Variants in GRM7 observed in about 807,000 individuals in gnomAD.
GRM7 encodes the protein glutamate metabotropic receptor 7, also known as metabotropic glutamate receptor 7.
GRM7 carries 35 observed loss-of-function variants against 84.5 expected under a neutral mutation model. That is an observed-to-expected ratio of 0.41 (90% confidence interval 0.32 to 0.55). The LOEUF (loss-of-function observed/expected upper bound fraction) is 0.55, where lower values mean the gene tolerates loss of function less well. Ranked by LOEUF, GRM7 falls within the 20% of genes least tolerant of loss-of-function variation. The pLI is 0.19. For synonymous variants in GRM7, 487 were observed against 455.1 expected, an observed-to-expected ratio of 1.07 and a Z score of -0.89; for missense variants, 1,003 against 1,194.6, an observed-to-expected ratio of 0.84 and a Z score of 2.36.
intron 2 of GRM7, among the ~76,000 whole-genome samples, chr3:7,296,850 T>C (rs1323214759): frequency 6.6e-6 from 1 of 151,948 alleles, no homozygotes; most frequent in Non-Finnish European, 1.5e-5. Context: ...GATCTTGCTA[T>C]GTTGCCCCGA....
At chr3:7,479,916 G>A (rs1337584572) in intron 7 of GRM7, among the ~76,000 whole-genome samples, 1 of 152,180 alleles carries the variant, frequency 6.6e-6, no homozygotes, top group African/African-American at 2.4e-5. Context: ...TCTAACTCTT[G>A]TTTTTACCTT....
intron 1 of GRM7, among the ~76,000 whole-genome samples, chr3:7,059,409 C>T (rs963045279): frequency 6.6e-6 from 1 of 151,576 alleles, no homozygotes; most frequent in African/African-American, 2.4e-5. Context: ...CTAGAAAGGT[C>T]TTTATAAAAG....
At chr3:6,981,697 C>G (rs990230682) in intron 1 of GRM7, among the ~76,000 whole-genome samples, 1 of 152,050 alleles carries the variant, frequency 6.6e-6, no homozygotes, top group African/African-American at 2.4e-5. Flanking sequence ...TCACTATTTG[C>G]TCAACATTAT....
At chr3:7,128,898 C>T (rs887708360) in intron 1 of GRM7, among the ~76,000 whole-genome samples, 4 of 151,996 alleles carry the variant, frequency 2.6e-5, no homozygotes, top group African/African-American at 9.7e-5. Context: ...AGCACAGGAA[C>T]CTCAATAAAC....
At chr3:7,716,814 T>C (rs907758741) in intron 9 of GRM7, among the ~76,000 whole-genome samples, 1 of 152,204 alleles carries the variant, frequency 6.6e-6, no homozygotes, top group East Asian at 1.9e-4. Flanking sequence ...ACATTTTGAT[T>C]AAGTAGTGAG....
At position 6,861,749 on chromosome 3, in the gene GRM7, A is replaced by G. The variant is rs756579639; in HGVS notation, c.361A>G (p.Thr121Ala). 2.5e-6 allele frequency: 4 copies of G among 1,614,166 alleles called. No individual in the cohort carries two copies. In the South Asian group the frequency reaches 3.3e-5, roughly 13 times the overall value. Residue 121 changes from threonine (T) to alanine (A), a missense_variant, in exon 1 of 10, where the codon ACT (threonine) becomes GCT (alanine). Coordinates refer to ENST00000357716, the MANE Select transcript of GRM7 (RefSeq NM_000844.4). The surrounding 1 kb of genome is among the most constrained non-coding windows in gnomAD (Gnocchi z 6.4). ...RDTYALEQSL[T>A]FVQALIQKDT... ...CACTTACGCGCTCGAACAGTCGCTT[A>G]CTTTCGTCCAGGCGCTCATCCAGAA... is the stretch of plus-strand genomic sequence containing the variant.
intron 4 of GRM7, among the ~76,000 whole-genome samples, chr3:7,384,924 C>A (rs1315866602): frequency 3.9e-5 from 6 of 152,318 alleles, no homozygotes; most frequent in African/African-American, 1.4e-4. Flanking sequence ...GATCAAATAT[C>A]TTACAAATAC....
chr3:7,703,830 T>A (rs1701305562), intron 9 of GRM7, among the ~76,000 whole-genome samples: 1 of 152,210 alleles, frequency 6.6e-6, no homozygotes, highest in Admixed American at 6.5e-5. Context: ...TTCATAAAGC[T>A]TGCACCAAGT....
At chr3:6,930,788 C>T (rs1032984238) in intron 1 of GRM7, among the ~76,000 whole-genome samples, 4 of 152,210 alleles carry the variant, frequency 2.6e-5, no homozygotes, top group East Asian at 3.8e-4. Context: ...GCAATAGGCA[C>T]TTGCAGATAG....
In GRM7 at chr3:6,984,995, G is replaced by A. The variant is rs573873370; in HGVS notation, c.519+123088G>A. On this transcript the variant is annotated intron_variant, in intron 1 of 9. Coordinates refer to ENST00000357716, the MANE Select transcript of GRM7 (RefSeq NM_000844.4). ...TTTCTTCAGCGTCAGACAGAGCACCGAGGCTGAGATTACCTCTATAAACAA... is the reference window on the plus strand; with the variant it reads ...TTTCTTCAGCGTCAGACAGAGCACCAAGGCTGAGATTACCTCTATAAACAA... Among the ~76,000 whole-genome samples the A allele has an allele frequency of 3.2e-4, 48 of 152,270 alleles. No homozygotes were observed. In the East Asian group the frequency reaches 7.1e-3, roughly 23 times the overall value.
At chr3:7,161,968 A>T (rs1694638649) in intron 2 of GRM7, among the ~76,000 whole-genome samples, 1 of 152,244 alleles carries the variant, frequency 6.6e-6, no homozygotes, top group African/African-American at 2.4e-5. Flanking sequence ...TGATATTGCC[A>T]ACGTAATGCC....
At chr3:6,945,357 C>T (rs1001516208) in intron 1 of GRM7, among the ~76,000 whole-genome samples, 1 of 152,008 alleles carries the variant, frequency 6.6e-6, no homozygotes, top group Non-Finnish European at 1.5e-5. Context: ...ATGATGGTTT[C>T]CAGCTTCATT....
At chr3:7,582,574 C>T (rs552056058) in intron 8 of GRM7, among the ~76,000 whole-genome samples, 1 of 152,170 alleles carries the variant, frequency 6.6e-6, no homozygotes, top group Admixed American at 6.6e-5. Flanking sequence ...GAGAAAATTG[C>T]TAAAAAGGAA....
At chr3:7,140,260 G>A (rs886271279) in intron 1 of GRM7, among the ~76,000 whole-genome samples, 1 of 152,000 alleles carries the variant, frequency 6.6e-6, no homozygotes, top group Non-Finnish European at 1.5e-5. Context: ...AAGACTAAAG[G>A]TAGGTAGTAT....
At chr3:7,322,581 A>G (rs1010168291) in intron 4 of GRM7, among the ~76,000 whole-genome samples, 12 of 130,938 alleles carry the variant, frequency 9.2e-5, no homozygotes, top group Admixed American at 8.3e-4. Context: ...CCCAGTCCCC[A>G]AAGTCCATTA....
intron 1 of GRM7, among the ~76,000 whole-genome samples, chr3:6,917,440 G>A (rs1434397791): frequency 2.7e-5 from 4 of 148,378 alleles, no homozygotes; most frequent in Non-Finnish European, 5.9e-5. Flanking sequence ...TGAAATATAT[G>A]TATTATAAAA....
intron 2 of GRM7, among the ~76,000 whole-genome samples, chr3:7,152,136 A>T (rs1035600567): frequency 6.6e-6 from 1 of 152,106 alleles, no homozygotes; most frequent in East Asian, 1.9e-4. Flanking sequence ...CTCAAGAAAG[A>T]CTTGCATTTC....
At chr3:7,632,571 A>G (rs1363299804) in intron 8 of GRM7, among the ~76,000 whole-genome samples, 1 of 152,216 alleles carries the variant, frequency 6.6e-6, no homozygotes, top group East Asian at 1.9e-4. Flanking sequence ...CCAATCTGTA[A>G]AATGAAGATC....
intron 7 of GRM7, among the ~76,000 whole-genome samples, chr3:7,544,923 C>T (rs890722008): frequency 3.3e-5 from 5 of 152,134 alleles, no homozygotes; most frequent in African/African-American, 1.2e-4. Context: ...AATTTTTGCC[C>T]CCTTAGGGGC....
Sources: gnomAD v4.1 joint callset for allele counts (sites outside exome capture counted in the v4.1 genomes callset) on GRCh38, gnomAD v4.1.1 for gene constraint, Gnocchi (gnomAD v3.1) non-coding constraint, MANE v1.5 for transcripts, NCBI Gene and HGNC (gene_info 2026-07-23, HGNC 2026-07-21) for gene names.